The following CADM2 variants were observed in gnomAD, a reference collection of about 807,000 sequenced individuals.
The protein encoded by CADM2 is cell adhesion molecule 2.
CADM2 carries 12 observed loss-of-function variants against 49.8 expected under a neutral mutation model. The ratio of observed to expected loss-of-function variants is 0.24; its 90% CI spans 0.15 to 0.39. The LOEUF is 0.39. CADM2 is among the 10% of genes least tolerant of loss of function. CADM2 has a pLI of 1.00. For synonymous variants in CADM2, 214 were observed against 175.4 expected, an observed-to-expected ratio of 1.22 and a Z score of -1.74; for missense variants, 378 against 492.3, an observed-to-expected ratio of 0.77 and a Z score of 2.20.
In CADM2 at chr3:85,494,182, GA is replaced by G. The variant is rs531904817; in HGVS notation, c.62-232336del. Among the ~76,000 whole-genome samples, 200 of 152,072 alleles carry G rather than the reference GA, an allele frequency of 1.3e-3. 1 individual carries two copies. The highest frequency in any genetic ancestry group is 2.3e-3 in the Non-Finnish European group (158 of 67,940). On this transcript the variant is annotated intron_variant, in intron 1 of 9. Coordinates refer to ENST00000383699, the MANE Select transcript of CADM2 (RefSeq NM_001167675.2). Reference sequence around the variant, plus strand: ...ATTCATTTTTGTAAAAATTTAAAAAGAAAAGAAATTAGCTGTGCTTTCTTTT... The same window carrying G: ...ATTCATTTTTGTAAAAATTTAAAAAGAAAGAAATTAGCTGTGCTTTCTTTT...
At chr3:85,318,091 G>A (rs1298945858) in intron 1 of CADM2, among the ~76,000 whole-genome samples, 1 of 150,976 alleles carries the variant, frequency 6.6e-6, no homozygotes, top group Admixed American at 6.6e-5. Flanking sequence ...AGGATCACTA[G>A]CCCCAGAGGC....
At chr3:86,021,522 G>GA (rs1478681303) in intron 8 of CADM2, among the ~76,000 whole-genome samples, 15 of 152,042 alleles carry the variant, frequency 9.9e-5, no homozygotes, top group Non-Finnish European at 1.5e-5. Flanking sequence ...AAAAGTCTGT[G>GA]AAAAATATCT....
chr3:85,099,627 C>T (rs1400622131), intron 1 of CADM2, among the ~76,000 whole-genome samples: 1 of 151,650 alleles, frequency 6.6e-6, no homozygotes, highest in Non-Finnish European at 1.5e-5. Flanking sequence ...GTGCCATTAA[C>T]CCTGGCTAAT....
At chr3:85,592,662 A>T (rs1239410327) in intron 1 of CADM2, among the ~76,000 whole-genome samples, 1 of 151,854 alleles carries the variant, frequency 6.6e-6, no homozygotes, top group Non-Finnish European at 1.5e-5. Context: ...TAAGAAATAT[A>T]ACTTGAGAAA....
chr3:85,527,330 C>A (rs1258556832), intron 1 of CADM2, among the ~76,000 whole-genome samples: 1 of 150,734 alleles, frequency 6.6e-6, no homozygotes, highest in East Asian at 2.0e-4. Context: ...AGAGTTGGAG[C>A]CTACAGTGAG....
chr3:85,873,626 A>G (rs577480794), intron 3 of CADM2, among the ~76,000 whole-genome samples: 8 of 152,266 alleles, frequency 5.3e-5, no homozygotes, highest in Admixed American at 2.0e-4. Flanking sequence ...AGATTGTGCC[A>G]CTGCACTCCA....
In CADM2 at chr3:85,431,860, C is replaced by CATATTATATATATATATATATATATATAT. The variant is rs139257494; in HGVS notation, c.62-294658_62-294657insTATATATATATATATATATATATATATAT. Among the ~76,000 whole-genome samples the CATATTATATATATATATATATATATATAT allele has an allele frequency of 5.8e-5, 3 of 51,812 alleles. 1 individual carries two copies. The highest frequency in any genetic ancestry group is 1.3e-4 in the Non-Finnish European group (3 of 23,420). 34.0% of individuals were successfully genotyped at this position (51,812 alleles called of 152,430 possible). ...AACACCATGGTCTTATGCTTAATTGCATATATATATATGCCATGCTCTTTC... is the reference window on the plus strand; with the variant it reads ...AACACCATGGTCTTATGCTTAATTGCATATTATATATATATATATATATATATATATATATATATATGCCATGCTCTTTC... On this transcript the variant is annotated intron_variant, in intron 1 of 9. Coordinates refer to ENST00000383699, the MANE Select transcript of CADM2 (RefSeq NM_001167675.2).
chr3:85,622,183 T>C (rs2063997657), intron 1 of CADM2, among the ~76,000 whole-genome samples: 1 of 152,158 alleles, frequency 6.6e-6, no homozygotes, highest in African/African-American at 2.4e-5. Context: ...TAAATGGTGA[T>C]TTGGGGATTT....
intron 1 of CADM2, among the ~76,000 whole-genome samples, chr3:85,609,410 T>C (rs1221314162): frequency 6.6e-6 from 1 of 152,124 alleles, no homozygotes; most frequent in Non-Finnish European, 1.5e-5. Context: ...ATATGATAGA[T>C]TGAGACCATA....
chr3:85,321,390 G>A (rs1334070669), intron 1 of CADM2, among the ~76,000 whole-genome samples: 1 of 150,720 alleles, frequency 6.6e-6, no homozygotes, highest in Non-Finnish European at 1.5e-5. Flanking sequence ...TCGTCATGTT[G>A]GCCAGGCTGG....
At chr3:85,543,423 T>TGTGTGGGGGTGTGTGTGTGTGTGTGG (rs143013783) in intron 1 of CADM2, among the ~76,000 whole-genome samples, 1 of 99,190 alleles carries the variant, frequency 1.0e-5, no homozygotes, top group Non-Finnish European at 2.7e-5. Context: ...CAAGCTAATG[T>TGTGTGGGGGTGTGTGTGTGTGTGTGG]GTGTGTGTGT....
At chr3:85,296,104 C>T (rs1003712310) in intron 1 of CADM2, among the ~76,000 whole-genome samples, 1 of 151,806 alleles carries the variant, frequency 6.6e-6, no homozygotes, top group Non-Finnish European at 1.5e-5. Flanking sequence ...TAATATTTAA[C>T]ATGAAGATGT....
chr3:85,754,751 T>C (rs941332033), intron 2 of CADM2, among the ~76,000 whole-genome samples: 1 of 152,116 alleles, frequency 6.6e-6, no homozygotes, highest in Non-Finnish European at 1.5e-5. Flanking sequence ...ATTTCTTCAA[T>C]AAAACAAACA....
chr3:85,041,574 TC>T (rs2035444204), intron 1 of CADM2, among the ~76,000 whole-genome samples: 3 of 152,182 alleles, frequency 2.0e-5, no homozygotes, highest in Non-Finnish European at 4.4e-5. Context: ...TGTTTTGTCT[TC>T]CAGGTACCAA....
At chr3:85,343,411 G>C (rs922405611) in intron 1 of CADM2, among the ~76,000 whole-genome samples, 1 of 152,110 alleles carries the variant, frequency 6.6e-6, no homozygotes, top group Non-Finnish European at 1.5e-5. Context: ...TCCCATTCTA[G>C]AGTCTCTTTG....
At chr3:85,776,357 A>ACACT (rs1350682324) in intron 2 of CADM2, among the ~76,000 whole-genome samples, 2 of 151,764 alleles carry the variant, frequency 1.3e-5, no homozygotes, top group African/African-American at 2.4e-5. Flanking sequence ...ACACACACAC[A>ACACT]CACACACAGA....
chr3:85,682,112 G>A (rs1441589172), intron 1 of CADM2, among the ~76,000 whole-genome samples: 1 of 152,034 alleles, frequency 6.6e-6, no homozygotes, highest in Non-Finnish European at 1.5e-5. Flanking sequence ...ATTACCTAAA[G>A]CTCAGCTGAA....
Position 85,144,981 on chromosome 3 carries a change from C to T in CADM2, c.61+185313C>T, listed in dbSNP as rs558822416. Among the ~76,000 whole-genome samples the T allele has an allele frequency of 3.3e-5, 5 of 152,230 alleles. No individual in the cohort carries two copies. In the East Asian group the frequency reaches 5.8e-4, roughly 18 times the overall value. ...CAGATGTATGCCAAACCTTAGAATACACTTTGTACCTCTTTCTAAACAGTC... is the reference window on the plus strand; with the variant it reads ...CAGATGTATGCCAAACCTTAGAATATACTTTGTACCTCTTTCTAAACAGTC... On this transcript the variant is annotated intron_variant, in intron 1 of 9. Transcript: ENST00000383699.
At chr3:85,031,396 T>C (rs1038500902) in intron 1 of CADM2, among the ~76,000 whole-genome samples, 2 of 152,218 alleles carry the variant, frequency 1.3e-5, no homozygotes, top group African/African-American at 4.8e-5. Context: ...TTCTCAGCTC[T>C]TCTCAGCAAC....
Sources: gnomAD v4.1 joint callset for allele counts (sites outside exome capture counted in the v4.1 genomes callset) on GRCh38, gnomAD v4.1.1 for gene constraint, MANE v1.5 for transcripts, NCBI Gene and HGNC (gene_info 2026-07-23, HGNC 2026-07-21) for gene names.